EEF1A2: variants seen among roughly 807,000 people sequenced by gnomAD.
The protein encoded by EEF1A2 is elongation factor 1-alpha 2.
Under a neutral mutation model 39.3 loss-of-function variants are expected in EEF1A2, and 5 were observed. The ratio of observed to expected loss-of-function variants is 0.13; its 90% CI spans 0.07 to 0.27. The LOEUF is 0.27. Among genes scored for constraint, EEF1A2 ranks in the 10% least tolerant of loss-of-function variants. The probability of loss-of-function intolerance (pLI) is 1.00; values close to 1 mark genes in which losing one functional copy is unlikely to be tolerated. For synonymous variants in EEF1A2, 287 were observed against 293.7 expected (o/e 0.98, Z 0.23); for missense variants, 218 against 681.4 (o/e 0.32, Z 7.57).
intron 5 of EEF1A2, among the ~76,000 whole-genome samples, chr20:63,492,774 G>T (rs2082396082): frequency 8.1e-6 from 1 of 122,914 alleles, no homozygotes; most frequent in Non-Finnish European, 1.7e-5. Flanking sequence ...GGGTGGGGAG[G>T]TGGATAGATG....
rs1472699750 is a variant in EEF1A2, at chr20:63,499,061, G to C, written c.-75C>G. ...CCCGGGGGCCGAGCGTCCTTACCCGGAGCCGAGGTCTCAGCCAGAGGGACT... is the reference window on the plus strand; with the variant it reads ...CCCGGGGGCCGAGCGTCCTTACCCGCAGCCGAGGTCTCAGCCAGAGGGACT... On this transcript the variant is annotated 5_prime_UTR_variant, in exon 1 of 8. Transcript: ENST00000217182. 2 of 147,666 alleles carry C rather than the reference G, an allele frequency of 1.4e-5. No individual in the cohort carries two copies. The highest frequency in any genetic ancestry group is 3.0e-5 in the Non-Finnish European group (2 of 66,306). 9.1% of individuals were successfully genotyped at this position (147,666 alleles called of 1,614,324 possible).
intron 4 of EEF1A2, among the ~76,000 whole-genome samples, chr20:63,493,586 C>G (rs6122126): frequency 6.6e-6 from 1 of 152,190 alleles, no homozygotes; most frequent in Non-Finnish European, 1.5e-5. Flanking sequence ...CCCAAGTCCC[C>G]GAAACCCCGG....
At chr20:63,494,145 C>G (rs147831403) in intron 4 of EEF1A2, among the ~76,000 whole-genome samples, 2 of 152,218 alleles carry the variant, frequency 1.3e-5, no homozygotes, top group African/African-American at 4.8e-5. Context: ...CTGTGGGCAG[C>G]GACAGTGCTG....
chr20:63,493,088 G>C, intron 5 of EEF1A2, 49 bp downstream of exon 5: 1 of 1,533,224 alleles, frequency 6.5e-7, no homozygotes, highest in Non-Finnish European at 8.8e-7. Flanking sequence ...CTGGTCTAGG[G>C]CAGGCAGAGC....
chr20:63,489,890 C>T (rs1447106260), intron 6 of EEF1A2, among the ~76,000 whole-genome samples: 1 of 152,200 alleles, frequency 6.6e-6, no homozygotes, highest in Non-Finnish European at 1.5e-5. Context: ...TTAACAAAAG[C>T]GTTTTTCTAG....
chr20:63,495,755 G>A, intron 3 of EEF1A2, 101 bp downstream of exon 3: 2 of 1,455,770 alleles, frequency 1.4e-6, no homozygotes, highest in South Asian at 1.3e-5. Context: ...CTCACAGGAA[G>A]CACAGGAGAC....
rs1392610178 is a variant in EEF1A2, at chr20:63,488,238, C to G, written c.*60G>C. 1 of 812,112 alleles carries G rather than the reference C, an allele frequency of 1.2e-6. No homozygotes were observed. The highest frequency in any genetic ancestry group is 1.3e-6 in the Non-Finnish European group (1 of 742,540). 50.3% of individuals were successfully genotyped at this position (812,112 alleles called of 1,614,324 possible). On this transcript the variant is annotated 3_prime_UTR_variant, in exon 8 of 8. Coordinates refer to ENST00000217182, the MANE Select transcript of EEF1A2 (RefSeq NM_001958.5). The stretch of plus-strand genomic sequence containing the variant: ...GCGGGGCGGGGGCGGGGCGGGGGCC[C>G]GGGCCCGGGGTTCGGAGCGCGGCAC...
intron 5 of EEF1A2, among the ~76,000 whole-genome samples, chr20:63,491,387 C>A (rs1272500103): frequency 6.6e-6 from 1 of 152,232 alleles, no homozygotes; most frequent in South Asian, 2.1e-4. Flanking sequence ...TGTCCCCCCC[C>A]AGGCTACTGG....
At position 63,497,536 on chromosome 20, in the gene EEF1A2, G is replaced by A. The variant is rs1431365757; in HGVS notation, c.144+84C>T. On this transcript the variant is annotated intron_variant, in intron 2 of 7. Coordinates refer to ENST00000217182, the MANE Select transcript of EEF1A2 (RefSeq NM_001958.5). This position sits in a 1 kb window ranked among gnomAD's most constrained non-coding sequence, Gnocchi z 7.3. ...GGAGGTCACCTGAGCCCCATGCCCT[G>A]GGGCTGGGAGATGCCAAGCCTGGCC... 3.9e-6 allele frequency: 6 copies of A among 1,542,514 alleles called. No individual in the cohort carries two copies. Among genetic ancestry groups the A allele is most frequent in the Admixed American group, 1.9e-5 (1 of 52,676 alleles).
rs372796244 is a variant in EEF1A2, at chr20:63,493,150, C to T, written c.759G>A (p.Val253=). Residue 253 remains valine, a synonymous_variant, in exon 5 of 8, where the codon GTG becomes GTA. Transcript: ENST00000217182. ...DKPLRLPLQD[V]YKIGGIGTVP... The stretch of plus-strand genomic sequence containing the variant: ...GCCCTTGCTCACCGCCAATCTTGTA[C>T]ACGTCCTGCAGCGGCAGGCGCAGGG... 2.6e-6 allele frequency: 4 copies of T among 1,548,270 alleles called. No homozygotes were observed. Among genetic ancestry groups the T allele is most frequent in the Admixed American group, 3.9e-5 (2 of 50,860 alleles).
chr20:63,495,559 T>G (rs2082412856), intron 3 of EEF1A2, among the ~76,000 whole-genome samples: 1 of 152,206 alleles, frequency 6.6e-6, no homozygotes. Flanking sequence ...CTCCCCATCC[T>G]GGCCTCCAAC....
chr20:63,498,863 C>T lies in EEF1A2; in HGVS notation c.-72+195G>A, dbSNP rs1334360918. Reference sequence around the variant, plus strand: ...TACGGGGCGATCGCCGCCCAGGACCCGGCCCCGCCGCCCCGCGCCGCCCCC... The same window carrying T: ...TACGGGGCGATCGCCGCCCAGGACCTGGCCCCGCCGCCCCGCGCCGCCCCC... On this transcript the variant is annotated intron_variant, in intron 1 of 7. Coordinates refer to ENST00000217182, the MANE Select transcript of EEF1A2 (RefSeq NM_001958.5). The surrounding 1 kb of genome is among the most constrained non-coding windows in gnomAD (Gnocchi z 4.1). 5 of 150,508 alleles carry T rather than the reference C, an allele frequency of 3.3e-5. 1 individual carries two copies. Among genetic ancestry groups the T allele is most frequent in the African/African-American group, 1.2e-4 (5 of 41,340 alleles). 9.3% of individuals were successfully genotyped at this position (150,508 alleles called of 1,614,324 possible). A position where few individuals can be genotyped will look rare whatever the true frequency, so the allele number is the denominator to read the frequency against.
Position 63,488,197 on chromosome 20 carries a change from G to C in EEF1A2, c.*101C>G. ...AGACATGCGCCTGGCGGGGGTGCGGGGCGCCGGACCGGCGCGCGGGGCGGG... is the reference window on the plus strand; with the variant it reads ...AGACATGCGCCTGGCGGGGGTGCGGCGCGCCGGACCGGCGCGCGGGGCGGG... On this transcript the variant is annotated 3_prime_UTR_variant, in exon 8 of 8. Coordinates refer to ENST00000217182, the MANE Select transcript of EEF1A2 (RefSeq NM_001958.5). The C allele has an allele frequency of 1.3e-6, 1 of 785,006 alleles. No homozygotes were observed. Among genetic ancestry groups the C allele is most frequent in the Non-Finnish European group, 1.5e-6 (1 of 653,010 alleles). The allele number at this position is 785,006 out of a possible 1,614,324, so 48.6% of individuals were successfully genotyped here.
At chr20:63,489,556 G>A (rs912948414) in intron 6 of EEF1A2, among the ~76,000 whole-genome samples, 3 of 152,166 alleles carry the variant, frequency 2.0e-5, no homozygotes, top group Non-Finnish European at 4.4e-5. Flanking sequence ...GCTGACGCAC[G>A]TGGATCACTT....
chr20:63,495,952 G>A lies in EEF1A2; in HGVS notation c.228C>T (p.Ser76=), dbSNP rs770506057. ...ACTTGGTGGTCTCGAACTTCCAGAG[G>A]GAGATGTCGATGGTGATGCCGCGCT... ...ERERGITIDI[S]LWKFETTKYY... The change falls in exon 3 of 8, where the codon TCC becomes TCT. Residue 76 remains serine, a synonymous_variant. Transcript: ENST00000217182. 4 of 1,613,326 alleles carry A rather than the reference G, an allele frequency of 2.5e-6. No individual in the cohort carries two copies. The highest frequency in any genetic ancestry group is 3.4e-6 in the Non-Finnish European group (4 of 1,179,952).
In EEF1A2 at chr20:63,497,906, T is replaced by A; in HGVS notation, c.-71-72A>T. The A allele has an allele frequency of 8.8e-7, 1 of 1,137,058 alleles. No homozygotes were observed. The highest frequency in any genetic ancestry group is 1.2e-6 in the Non-Finnish European group (1 of 815,928). The allele number at this position is 1,137,058 out of a possible 1,614,324, so 70.4% of individuals were successfully genotyped here. A position where few individuals can be genotyped will look rare whatever the true frequency, so the allele number is the denominator to read the frequency against. On this transcript the variant is annotated intron_variant, in intron 1 of 7. Coordinates refer to ENST00000217182, the MANE Select transcript of EEF1A2 (RefSeq NM_001958.5). This position sits in a 1 kb window ranked among gnomAD's most constrained non-coding sequence, Gnocchi z 7.3. ...GGGGAGACACCAGCAGAGACTGTCC[T>A]GGCACAGGCTGGACAGGCATCCCTG...
intron 6 of EEF1A2, 22 bp downstream of exon 6, chr20:63,490,457 T>C (rs2082373536): frequency 1.3e-6 from 2 of 1,599,998 alleles, no homozygotes; most frequent in Non-Finnish European, 1.7e-6. Context: ...GCCAGCCCCC[T>C]GGACCCAGCG....
Position 63,488,393 on chromosome 20 carries a change from C to T in EEF1A2, c.1297G>A (p.Val433Met), listed in dbSNP as rs1333802176. 6.8e-7 allele frequency: 1 copy of T among 1,478,770 alleles called. No individual in the cohort carries two copies. The allele number at this position is 1,478,770 out of a possible 1,614,324, so 91.6% of individuals were successfully genotyped here. The change falls in exon 8 of 8, where the codon GTG (valine) becomes ATG (methionine). Residue 433 changes from valine to methionine, a missense_variant. This residue lies in a region of EEF1A2 where 31 missense variants were observed against 57.0 expected (regional missense o/e 0.54). Transcript: ENST00000217182. ...ACGTTCTTGATGACGCCTACGGCCA[C>T]CGTCTGCCTCATGTCGCGCACGGCG... ...RFAVRDMRQT[V>M]AVGVIKNVEK...
rs1249723976 is a variant in EEF1A2, at chr20:63,488,500, G to T, written c.1265-75C>A. 9.1e-6 allele frequency: 12 copies of T among 1,311,764 alleles called. No homozygotes were observed. The African/African-American group carries it at 9.4e-5, about 10-fold the overall frequency. 81.3% of individuals were successfully genotyped at this position (1,311,764 alleles called of 1,614,324 possible). On this transcript the variant is annotated intron_variant, in intron 7 of 7. Coordinates refer to ENST00000217182, the MANE Select transcript of EEF1A2 (RefSeq NM_001958.5). Reference sequence around the variant, plus strand: ...CCCAACCCCAGGGCTCTGGCCGGGCGGGGGCGCAACCGCGTCGGGAATGTC... The same window carrying T: ...CCCAACCCCAGGGCTCTGGCCGGGCTGGGGCGCAACCGCGTCGGGAATGTC...
Sources: gnomAD v4.1 joint callset for allele counts (sites outside exome capture counted in the v4.1 genomes callset) on GRCh38, gnomAD v4.1.1 for gene constraint, gnomAD v4.1.1 regional missense constraint, Gnocchi (gnomAD v3.1) non-coding constraint, MANE v1.5 for transcripts, NCBI Gene and HGNC (gene_info 2026-07-23, HGNC 2026-07-21) for gene names.